SLC39A14: variants seen among roughly 807,000 people sequenced by gnomAD.
SLC39A14 encodes the protein solute carrier family 39 member 14.
Under a neutral mutation model 45.5 loss-of-function variants are expected in SLC39A14, and 19 were observed. That is an observed-to-expected ratio of 0.42 (90% CI 0.29 to 0.61). The LOEUF is 0.61. Among genes scored for constraint, SLC39A14 ranks in the 20% least tolerant of loss-of-function variants. The pLI, the probability that SLC39A14 is intolerant of heterozygous loss-of-function variation, is 0.22. For missense variants in SLC39A14, 447 were observed against 616.5 expected, an observed-to-expected ratio of 0.73 and a Z score of 2.91; for synonymous variants, 264 against 251.3, an observed-to-expected ratio of 1.05 and a Z score of -0.48.
chr8:22,387,461 G>T (rs1264658832), intron 1 of SLC39A14, among the ~76,000 whole-genome samples: 1 of 152,182 alleles, frequency 6.6e-6, no homozygotes, highest in Non-Finnish European at 1.5e-5. Flanking sequence ...TTAGAATTTT[G>T]ATCCCTTGTT....
intron 2 of SLC39A14, among the ~76,000 whole-genome samples, chr8:22,407,006 G>T (rs1294257735): frequency 2.0e-5 from 3 of 152,178 alleles, no homozygotes; most frequent in African/African-American, 7.2e-5. Context: ...AAGTGGAGCT[G>T]CAGATTTCAC....
intron 1 of SLC39A14, among the ~76,000 whole-genome samples, chr8:22,371,053 CAG>C (rs1311755450): frequency 2.0e-5 from 3 of 152,212 alleles, no homozygotes; most frequent in Non-Finnish European, 4.4e-5. Flanking sequence ...TTAAACCTCT[CAG>C]GGGGCCCCTG....
intron 1 of SLC39A14, among the ~76,000 whole-genome samples, chr8:22,379,202 A>G (rs1234636540): frequency 1.3e-5 from 2 of 152,134 alleles, no homozygotes; most frequent in African/African-American, 2.4e-5. Context: ...AGGTCATTGG[A>G]TTTAGGGCCC....
intron 1 of SLC39A14, among the ~76,000 whole-genome samples, chr8:22,377,249 C>T (rs1285607971): frequency 6.6e-6 from 1 of 151,590 alleles, no homozygotes; most frequent in Non-Finnish European, 1.5e-5. Flanking sequence ...CCGGTTGTCT[C>T]CTGTGTTCTT....
At chr8:22,400,056 G>T (rs1834765212) in intron 1 of SLC39A14, among the ~76,000 whole-genome samples, 1 of 152,124 alleles carries the variant, frequency 6.6e-6, no homozygotes, top group Non-Finnish European at 1.5e-5. Context: ...TTGGATGCTT[G>T]TTGGGGCTGT....
At chr8:22,430,204 G>A (rs1315743249) in intron 8 of SLC39A14, among the ~76,000 whole-genome samples, 1 of 135,652 alleles carries the variant, frequency 7.4e-6, no homozygotes, top group Non-Finnish European at 1.6e-5. Context: ...GGACTCAAGA[G>A]ATCCTCCCAC....
rs1172836920 is a variant in SLC39A14 at position 22,422,299 on chromosome 8, A to G, written c.*2601A>G. On this transcript the variant is annotated 3_prime_UTR_variant, in exon 9 of 9. Transcript: ENST00000381237. Reference sequence around the variant, plus strand: ...TGCTCCTTCTCACTTCACCACCGGCACACAGCTTGCCCCTGTCTTTGCCCC... The same window carrying G: ...TGCTCCTTCTCACTTCACCACCGGCGCACAGCTTGCCCCTGTCTTTGCCCC... 2 of 985,618 alleles carry G rather than the reference A, an allele frequency of 2.0e-6. No homozygotes were observed. Among genetic ancestry groups the G allele is most frequent in the African/African-American group, 3.5e-5 (2 of 57,240 alleles). 61.1% of individuals were successfully genotyped at this position (985,618 alleles called of 1,614,324 possible).
At chr8:22,370,717 T>C (rs1832877260) in intron 1 of SLC39A14, among the ~76,000 whole-genome samples, 1 of 152,122 alleles carries the variant, frequency 6.6e-6, no homozygotes, top group Non-Finnish European at 1.5e-5. Flanking sequence ...TCCCTGTGCT[T>C]ATTGAGGGAG....
Position 22,420,047 on chromosome 8 carries a change from C to A in SLC39A14, c.*349C>A. 9.8e-7 allele frequency: 1 copy of A among 1,018,086 alleles called. No individual in the cohort carries two copies. Among genetic ancestry groups the A allele is most frequent in the Middle Eastern group, 4.8e-4 (1 of 2,078 alleles). 63.1% of individuals were successfully genotyped at this position (1,018,086 alleles called of 1,614,324 possible). On this transcript the variant is annotated 3_prime_UTR_variant, in exon 9 of 9. Transcript: ENST00000381237. ...GAAAGGTTTTGAATCCTTTACCCAA[C>A]AATGCAAAAATAGAGCCAATGGTTA...
intron 1 of SLC39A14, among the ~76,000 whole-genome samples, chr8:22,378,062 A>C (rs1833308024): frequency 6.6e-6 from 1 of 152,210 alleles, no homozygotes; most frequent in Non-Finnish European, 1.5e-5. Flanking sequence ...TGCCCGGTCC[A>C]AGATCAGAAA....
intron 1 of SLC39A14, among the ~76,000 whole-genome samples, chr8:22,372,497 G>C (rs1832990632): frequency 6.6e-6 from 1 of 152,054 alleles, no homozygotes; most frequent in African/African-American, 2.4e-5. Context: ...CCCTGTCTGC[G>C]CTTATGTTTG....
intron 8 of SLC39A14, among the ~76,000 whole-genome samples, chr8:22,430,118 G>C (rs937992793): frequency 6.6e-6 from 1 of 152,190 alleles, no homozygotes. Context: ...AGACCACTTC[G>C]GGAAAGGAGA....
intron 1 of SLC39A14, among the ~76,000 whole-genome samples, chr8:22,402,187 C>G (rs1454880756): frequency 1.3e-5 from 2 of 152,104 alleles, no homozygotes; most frequent in Non-Finnish European, 2.9e-5. Context: ...TGAGACCATC[C>G]TGGCTAACAC....
intron 1 of SLC39A14, among the ~76,000 whole-genome samples, chr8:22,395,385 G>GT (rs1210926678): frequency 6.6e-6 from 1 of 152,116 alleles, no homozygotes; most frequent in African/African-American, 2.4e-5. Context: ...TTTGGTTTAA[G>GT]TTTTCTTGTC....
At position 22,422,248 on chromosome 8, in the gene SLC39A14, G is replaced by A; in HGVS notation, c.*2550G>A. On this transcript the variant is annotated 3_prime_UTR_variant, in exon 9 of 9. Coordinates refer to ENST00000381237, the MANE Select transcript of SLC39A14 (RefSeq NM_001128431.4). ...CAAGGAAAGTGTATGTCACGTGCAG[G>A]AACAGTGAGGCAGGGACAGGGGTTC... is the stretch of plus-strand genomic sequence containing the variant. The A allele has an allele frequency of 1.0e-6, 1 of 985,518 alleles. No homozygotes were observed. 61.0% of individuals were successfully genotyped at this position (985,518 alleles called of 1,614,324 possible).
chr8:22,411,672 G>A lies in SLC39A14; in HGVS notation c.458-365G>A, dbSNP rs370987796. ...CTGTGATAGGTCTGGGCAGACCTTG[G>A]GTGTGTGACGAGGCAGCACCCTGCC... On this transcript the variant is annotated intron_variant, in intron 3 of 8. Transcript: ENST00000381237. Among the ~76,000 whole-genome samples the A allele has an allele frequency of 1.3e-4, 20 of 152,292 alleles. No homozygotes were observed. The South Asian group carries it at 1.9e-3, about 14-fold the overall frequency.
chr8:22,430,226 A>G (rs1836446851), intron 8 of SLC39A14, among the ~76,000 whole-genome samples: 1 of 152,038 alleles, frequency 6.6e-6, no homozygotes, highest in Non-Finnish European at 1.5e-5. Context: ...TACCTCAACC[A>G]GCCTGGCTAA....
intron 1 of SLC39A14, among the ~76,000 whole-genome samples, chr8:22,396,231 G>A (rs1340947147): frequency 1.3e-5 from 2 of 151,632 alleles, no homozygotes; most frequent in Non-Finnish European, 2.9e-5. Flanking sequence ...GCTGAGTGTG[G>A]TGGTGCATGC....
At chr8:22,391,276 G>A (rs1834057773) in intron 1 of SLC39A14, among the ~76,000 whole-genome samples, 1 of 152,186 alleles carries the variant, frequency 6.6e-6, no homozygotes, top group Admixed American at 6.5e-5. Flanking sequence ...GTTGAGGGCA[G>A]GTGCTAGGTC....
Sources: allele counts gnomAD v4.1 joint callset (sites outside exome capture counted in the v4.1 genomes callset), GRCh38; gene constraint gnomAD v4.1.1; transcripts MANE v1.5; gene names NCBI Gene and HGNC (gene_info 2026-07-23, HGNC 2026-07-21).